USO1: variants seen among roughly 807,000 people sequenced by gnomAD.
USO1 encodes the protein general vesicular transport factor p115.
A neutral mutation model predicts 124.5 loss-of-function variants in USO1; 57 were observed. That is an observed-to-expected ratio of 0.46 (90% CI 0.37 to 0.57). The LOEUF (loss-of-function observed/expected upper bound fraction) is 0.57. Among genes scored for constraint, USO1 ranks in the 20% least tolerant of loss-of-function variants. USO1 has a pLI of 0.00. For synonymous variants in USO1, 369 were observed against 362.8 expected (o/e 1.02, Z -0.19); for missense variants, 900 against 1,040.6 (o/e 0.86, Z 1.86).
At chr4:75,768,452 T>C (rs1721831680) in intron 4 of USO1, among the ~76,000 whole-genome samples, 1 of 147,600 alleles carries the variant, frequency 6.8e-6, no homozygotes, top group East Asian at 2.0e-4. Context: ...CTAGTATCTA[T>C]TAATAGAAAT....
chr4:75,792,446 A>G (rs1172199711), intron 12 of USO1, among the ~76,000 whole-genome samples: 1 of 152,220 alleles, frequency 6.6e-6, no homozygotes, highest in Non-Finnish European at 1.5e-5. Context: ...CTGAGGCAGG[A>G]GAATCGCTTG....
chr4:75,802,252 ACTAC>A, intron 17 of USO1, among the ~76,000 whole-genome samples: 1 of 152,348 alleles, frequency 6.6e-6, no homozygotes, highest in Middle Eastern at 3.4e-3. Flanking sequence ...GAATCATCAA[ACTAC>A]CTATGGTTAT....
At chr4:75,750,723 T>TCCAC (rs1361973515) in intron 1 of USO1, among the ~76,000 whole-genome samples, 1 of 74,722 alleles carries the variant, frequency 1.3e-5, no homozygotes, top group Admixed American at 1.8e-4. Context: ...GACTTTGTGA[T>TCCAC]CCACCCACCT....
chr4:75,788,612 G>A (rs1423899279), intron 10 of USO1, among the ~76,000 whole-genome samples: 19 of 139,256 alleles, frequency 1.4e-4, no homozygotes, highest in Non-Finnish European at 2.5e-4. Flanking sequence ...GCATGATCTC[G>A]GCTCACTGCA....
intron 1 of USO1, among the ~76,000 whole-genome samples, chr4:75,746,914 G>T (rs1721141674): frequency 6.6e-6 from 1 of 152,152 alleles, no homozygotes; most frequent in African/African-American, 2.4e-5. Flanking sequence ...ATAGCCAAAA[G>T]CCTGATAGGA....
intron 1 of USO1, among the ~76,000 whole-genome samples, chr4:75,737,905 G>T (rs1202437977): frequency 6.6e-6 from 1 of 151,770 alleles, no homozygotes; most frequent in Non-Finnish European, 1.5e-5. Flanking sequence ...TCGGCTCACT[G>T]CAACCTCCAC....
chr4:75,801,535 C>G (rs1238396814), intron 17 of USO1, among the ~76,000 whole-genome samples: 4 of 152,076 alleles, frequency 2.6e-5, no homozygotes, highest in African/African-American at 7.2e-5. Context: ...GTTTTCTTGA[C>G]TTTTACTCTC....
chr4:75,753,780 ATTTT>A (rs1180101340), intron 3 of USO1, among the ~76,000 whole-genome samples: 3 of 125,712 alleles, frequency 2.4e-5, no homozygotes, highest in African/African-American at 3.0e-5. Flanking sequence ...AGCTCTTTCA[ATTTT>A]TTTTTTTTTT....
Position 75,724,940 on chromosome 4 carries a change from C to T in USO1, c.66+55C>T, listed in dbSNP as rs754494193. On this transcript the variant is annotated intron_variant, in intron 1 of 23. Coordinates refer to ENST00000514213, the MANE Select transcript of USO1 (RefSeq NM_003715.4). Reference sequence around the variant, plus strand: ...GAAGGGGTCCGGGCAGGGACGGGGACGGAGCACTCGGAGACCCGAAGGTCA... The same window carrying T: ...GAAGGGGTCCGGGCAGGGACGGGGATGGAGCACTCGGAGACCCGAAGGTCA... The T allele has an allele frequency of 1.9e-6, 3 of 1,587,222 alleles. No individual in the cohort carries two copies. In the South Asian group the frequency reaches 3.3e-5, roughly 18 times the overall value.
chr4:75,805,937 A>C (rs1722984822), intron 19 of USO1, among the ~76,000 whole-genome samples: 1 of 152,142 alleles, frequency 6.6e-6, no homozygotes, highest in Non-Finnish European at 1.5e-5. Context: ...CTCTTTCTCC[A>C]TATGAACGCA....
chr4:75,780,640 CTTTTTT>C (rs71210204), intron 8 of USO1, among the ~76,000 whole-genome samples: 1 of 59,138 alleles, frequency 1.7e-5, no homozygotes, highest in Non-Finnish European at 2.9e-5. Context: ...TAAATTTTGA[CTTTTTT>C]TTTTTTTTTT....
intron 4 of USO1, among the ~76,000 whole-genome samples, chr4:75,768,067 A>T (rs1319176151): frequency 6.6e-6 from 1 of 151,910 alleles, no homozygotes; most frequent in Non-Finnish European, 1.5e-5. Context: ...CCCAGGCTAG[A>T]GTTCAGTGGT....
intron 1 of USO1, among the ~76,000 whole-genome samples, chr4:75,746,479 A>G (rs1016270045): frequency 1.4e-4 from 21 of 150,884 alleles, no homozygotes; most frequent in Admixed American, 7.9e-4. Flanking sequence ...GAGATCTACA[A>G]TTTCTGAGTA....
intron 4 of USO1, among the ~76,000 whole-genome samples, chr4:75,763,196 A>G (rs1218598118): frequency 6.6e-6 from 1 of 152,220 alleles, no homozygotes; most frequent in Non-Finnish European, 1.5e-5. Flanking sequence ...ATATCTATGC[A>G]TGCGTACTTA....
chr4:75,752,561 A>C lies in USO1; in HGVS notation c.175A>C (p.Ile59Leu). The change falls in exon 3 of 24, where the codon ATA becomes CTA. Residue 59 changes from isoleucine to leucine, a missense_variant. This residue lies in a region of USO1 where 538 missense variants were observed against 681.6 expected (regional missense o/e 0.79). Coordinates refer to ENST00000514213, the MANE Select transcript of USO1 (RefSeq NM_003715.4). ...LSKKYRLEVG[I>L]QAMEHLIHVL... ...GCAGAAATACCGCTTGGAAGTGGGT[A>C]TACAAGCTATGGAACATCTTATTCA... The C allele has an allele frequency of 2.5e-6, 1 of 398,568 alleles. No individual in the cohort carries two copies. The highest frequency in any genetic ancestry group is 4.4e-6 in the Non-Finnish European group (1 of 226,052). 24.7% of individuals were successfully genotyped at this position (398,568 alleles called of 1,614,324 possible).
chr4:75,781,896 G>A (rs2149175150), intron 8 of USO1, among the ~76,000 whole-genome samples: 1 of 152,306 alleles, frequency 6.6e-6, no homozygotes, highest in East Asian at 1.9e-4. Context: ...AGAAACGGAG[G>A]CTATTGGTTA....
In USO1 at chr4:75,813,407, C is replaced by A; in HGVS notation, c.*112C>A. The A allele has an allele frequency of 8.4e-7, 1 of 1,197,390 alleles. No homozygotes were observed. Among genetic ancestry groups the A allele is most frequent in the Non-Finnish European group, 1.1e-6 (1 of 899,440 alleles). 74.2% of individuals were successfully genotyped at this position (1,197,390 alleles called of 1,614,324 possible). ...ATTTAGAAACCAGGTGGAAAACATTCACTATTAAGACTATTGATATATTTT... is the reference window on the plus strand; with the variant it reads ...ATTTAGAAACCAGGTGGAAAACATTAACTATTAAGACTATTGATATATTTT... On this transcript the variant is annotated 3_prime_UTR_variant, in exon 24 of 24. Transcript: ENST00000514213.
At chr4:75,806,361 TA>T (rs1722995997) in intron 19 of USO1, 124 bp from the exon 20 acceptor site, 1 of 1,190,258 alleles carries the variant, frequency 8.4e-7, no homozygotes, top group Non-Finnish European at 1.2e-6. Flanking sequence ...GCATAAAAAT[TA>T]AAAGGTTGGT....
At chr4:75,765,141 C>A (rs1721731392) in intron 4 of USO1, among the ~76,000 whole-genome samples, 1 of 152,116 alleles carries the variant, frequency 6.6e-6, no homozygotes, top group African/African-American at 2.4e-5. Flanking sequence ...GAAACTAGCC[C>A]TACAAAGCAC....
Sources: gnomAD v4.1 joint callset for allele counts (sites outside exome capture counted in the v4.1 genomes callset) on GRCh38, gnomAD v4.1.1 for gene constraint, gnomAD v4.1.1 regional missense constraint, MANE v1.5 for transcripts, NCBI Gene and HGNC (gene_info 2026-07-23, HGNC 2026-07-21) for gene names.